Variants in DRC7 observed in about 807,000 individuals in gnomAD.
DRC7 encodes coiled-coil domain containing 135.
A neutral mutation model predicts 104.4 loss-of-function variants in DRC7; 80 were observed. That is an observed-to-expected ratio of 0.77 (90% CI 0.64 to 0.92). The LOEUF is 0.92. Ranked by LOEUF, DRC7 falls within the 40% of genes least tolerant of loss-of-function variation. DRC7 has a pLI of 0.00. For synonymous variants in DRC7, 405 were observed against 447.3 expected (o/e 0.91, Z 1.19); for missense variants, 1,034 against 1,141.1 (o/e 0.91, Z 1.35).
chr16:57,726,764 G>T, intron 14 of DRC7, 68 bp from the exon 15 acceptor site: 3 of 962,012 alleles, frequency 3.1e-6, no homozygotes, highest in Non-Finnish European at 4.9e-6. Context: ...GGGTAGATTT[G>T]AACCCAGGTG....
chr16:57,713,495 T>A (rs908607662), intron 8 of DRC7, among the ~76,000 whole-genome samples: 10 of 152,254 alleles, frequency 6.6e-5, no homozygotes, highest in Admixed American at 3.3e-4. Flanking sequence ...ATCAGCTTTA[T>A]CCCTAGTAAT....
At chr16:57,729,622 G>A (rs1396659472) in intron 17 of DRC7, among the ~76,000 whole-genome samples, 3 of 82,926 alleles carry the variant, frequency 3.6e-5, no homozygotes, top group African/African-American at 6.4e-5. Flanking sequence ...GAGTGGGTGG[G>A]TGGATGGATG....
chr16:57,699,251 C>G (rs535468952), intron 4 of DRC7, among the ~76,000 whole-genome samples: 2 of 152,214 alleles, frequency 1.3e-5, no homozygotes, highest in African/African-American at 2.4e-5. Context: ...CCCATGCCCC[C>G]GCCTAAAGAG....
chr16:57,708,053 G>T (rs1330351580), intron 8 of DRC7, among the ~76,000 whole-genome samples: 1 of 152,054 alleles, frequency 6.6e-6, no homozygotes, highest in Non-Finnish European at 1.5e-5. Flanking sequence ...ATAGAATATT[G>T]CCCAAACCCC....
chr16:57,723,934 G>A (rs1022671503), intron 12 of DRC7, among the ~76,000 whole-genome samples: 1 of 152,068 alleles, frequency 6.6e-6, no homozygotes, highest in Admixed American at 6.5e-5. Flanking sequence ...AACAAGTATG[G>A]GAGCAACAGT....
At position 57,707,479 on chromosome 16, in the gene DRC7, C is replaced by T. The variant is rs370261163; in HGVS notation, c.878C>T (p.Pro293Leu). The T allele has an allele frequency of 1.9e-5, 31 of 1,612,952 alleles. No homozygotes were observed. Among genetic ancestry groups the T allele is most frequent in the African/African-American group, 1.2e-4 (9 of 75,050 alleles). The change falls in exon 8 of 19, where the codon CCG becomes CTG. Residue 293 changes from proline (P) to leucine (L), a missense_variant. Physicochemically the swap from Pro to Leu is moderately conservative, Grantham distance 98. Transcript: ENST00000360716. The stretch of plus-strand genomic sequence containing the variant: ...TGGCAGGAAGCGGAGAAGGCAAAGC[C>T]GGATGCCCTGCACGGCCTGCGGGTG... ...ERLMEAEKAK[P>L]DALHGLRVHS...
At chr16:57,720,064 C>T (rs1241690146) in intron 9 of DRC7, among the ~76,000 whole-genome samples, 2 of 152,246 alleles carry the variant, frequency 1.3e-5, no homozygotes, top group Non-Finnish European at 2.9e-5. Context: ...TTACTAAGCA[C>T]TGGGATCCAT....
At chr16:57,718,578 A>G (rs2048869915) in intron 9 of DRC7, 103 bp downstream of exon 9, 1 of 1,359,212 alleles carries the variant, frequency 7.4e-7, no homozygotes, top group African/African-American at 1.4e-5. Flanking sequence ...GGATGGCCCA[A>G]GTAGACCAGT....
intron 8 of DRC7, 179 bp downstream of exon 8, chr16:57,707,857 T>C (rs1567876854): frequency 3.2e-6 from 2 of 626,190 alleles, no homozygotes; most frequent in Non-Finnish European, 5.8e-6. Flanking sequence ...ACCATTCTGA[T>C]ACGATTATTG....
Position 57,724,776 on chromosome 16 carries a change from G to A in DRC7, c.1699G>A (p.Gly567Arg), listed in dbSNP as rs775905245. 32 of 1,613,570 alleles carry A rather than the reference G, an allele frequency of 2.0e-5. No homozygotes were observed. Among genetic ancestry groups the A allele is most frequent in the East Asian group, 2.2e-5 (1 of 44,898 alleles). The change falls in exon 13 of 19, where the codon GGA (glycine) becomes AGA (arginine). Residue 567 changes from glycine (G) to arginine (R), a missense_variant. Physicochemically the swap from Gly to Arg is moderately radical, Grantham distance 125. Transcript: ENST00000360716. The part of the protein sequence containing the change: ...DFLSYRHASF[G>R]PRVKKLTLSS... ...CCTCTCCTACCGCCATGCCAGCTTC[G>A]GACCCCGAGTCAAGAAGCTCACTCT...
At chr16:57,727,055 G>C in intron 15 of DRC7, 113 bp downstream of exon 15, 1 of 718,768 alleles carries the variant, frequency 1.4e-6, no homozygotes, top group East Asian at 2.7e-5. Context: ...CTACATCCCG[G>C]GCTCAGGTGG....
chr16:57,720,180 G>C lies in DRC7; in HGVS notation c.1207-1487G>C, dbSNP rs373372851. ...TTAATATTATCCCATTTTACCGATG[G>C]GAAGACTCACACACAGAGAGGTTAA... On this transcript the variant is annotated intron_variant, in intron 9 of 18. Transcript: ENST00000360716. Among the ~76,000 whole-genome samples, 5 of 152,248 alleles carry C rather than the reference G, an allele frequency of 3.3e-5. No individual in the cohort carries two copies. The East Asian group carries it at 9.7e-4, about 29-fold the overall frequency.
At chr16:57,726,024 C>A in intron 13 of DRC7, 44 bp from the exon 14 acceptor site, 1 of 1,538,078 alleles carries the variant, frequency 6.5e-7, no homozygotes, top group East Asian at 2.3e-5. Flanking sequence ...TCTCCTCTCA[C>A]ACGCTCATCC....
intron 17 of DRC7, 90 bp downstream of exon 17, chr16:57,728,674 G>A: frequency 1.9e-6 from 2 of 1,071,992 alleles, no homozygotes; most frequent in South Asian, 1.7e-5. Context: ...TACCTCACAG[G>A]CTTGTGAGGG....
chr16:57,711,545 G>T (rs533233985), intron 8 of DRC7, among the ~76,000 whole-genome samples: 1 of 152,336 alleles, frequency 6.6e-6, no homozygotes, highest in East Asian at 1.9e-4. Flanking sequence ...GTGGAGCAGG[G>T]CTACCCCATA....
At position 57,704,920 on chromosome 16, in the gene DRC7, CA is replaced by C; in HGVS notation, c.747del (p.Lys249AsnfsTer16). The C allele has an allele frequency of 6.2e-7, 1 of 1,613,782 alleles. No homozygotes were observed. Among genetic ancestry groups the C allele is most frequent in the Non-Finnish European group, 8.5e-7 (1 of 1,179,920 alleles). ...EKVLPKKYTI[K>X]PPRDLCSRFE... ...AGGTGCTGCCTAAGAAGTATACCAT[CA>C]AACCCCCCAGGGACCTGTGCAGCAG... On this transcript the variant is annotated frameshift_variant, in exon 7 of 19. Transcript: ENST00000360716. LOFTEE classifies it high-confidence loss of function.
At chr16:57,723,188 C>T (rs374257126) in intron 12 of DRC7, 58 bp downstream of exon 12, 18 of 1,580,024 alleles carry the variant, frequency 1.1e-5, no homozygotes, top group East Asian at 4.5e-5. Flanking sequence ...CCTCACACAC[C>T]CTGTGGCAGG....
At chr16:57,718,543 C>T (rs2048869672) in intron 9 of DRC7, 68 bp downstream of exon 9, 1 of 1,580,990 alleles carries the variant, frequency 6.3e-7, no homozygotes. Context: ...ACAAGTGTCC[C>T]CAGCAGCATA....
At chr16:57,710,630 T>C (rs777681226) in intron 8 of DRC7, among the ~76,000 whole-genome samples, 3 of 152,236 alleles carry the variant, frequency 2.0e-5, no homozygotes, top group Non-Finnish European at 4.4e-5. Flanking sequence ...AGGTTTCTCT[T>C]ATTGGTTCCC....
Sources: allele counts gnomAD v4.1 joint callset (sites outside exome capture counted in the v4.1 genomes callset), GRCh38; gene constraint gnomAD v4.1.1; transcripts MANE v1.5; gene names NCBI Gene and HGNC (gene_info 2026-07-23, HGNC 2026-07-21).